Variants in STX18 observed in about 807,000 individuals in gnomAD.
The protein encoded by STX18 is syntaxin-18.
In STX18, 40 loss-of-function variants were observed where a neutral mutation model predicts 50.1. The ratio of observed to expected loss-of-function variants is 0.80; its 90% confidence interval spans 0.62 to 1.04. The LOEUF (loss-of-function observed/expected upper bound fraction) is 1.04, where lower values mean the gene tolerates loss of function less well. Ranked by LOEUF, STX18 falls within the 50% of genes least tolerant of loss-of-function variation. The pLI is 0.00. For synonymous variants in STX18, 158 were observed against 151.8 expected, an observed-to-expected ratio of 1.04 and a Z score of -0.30; for missense variants, 410 against 415.8, an observed-to-expected ratio of 0.99 and a Z score of 0.12.
chr4:4,525,375 T>C (rs1167455975), intron 1 of STX18, among the ~76,000 whole-genome samples: 4 of 152,194 alleles, frequency 2.6e-5, no homozygotes, highest in Non-Finnish European at 4.4e-5. Flanking sequence ...GGAGAACTGT[T>C]AATGATGAAA....
At chr4:4,510,076 C>G (rs1268676345) in intron 1 of STX18, among the ~76,000 whole-genome samples, 2 of 152,066 alleles carry the variant, frequency 1.3e-5, no homozygotes, top group South Asian at 2.1e-4. Flanking sequence ...TTCTGGACTA[C>G]AGAGAATATT....
At chr4:4,481,033 C>A (rs753059129) in intron 1 of STX18, among the ~76,000 whole-genome samples, 1 of 152,200 alleles carries the variant, frequency 6.6e-6, no homozygotes, top group East Asian at 1.9e-4. Flanking sequence ...CAGCTGCCAT[C>A]CCAGGCGGCA....
chr4:4,494,057 T>G (rs1030895061), intron 1 of STX18, among the ~76,000 whole-genome samples: 1 of 152,188 alleles, frequency 6.6e-6, no homozygotes, highest in African/African-American at 2.4e-5. Flanking sequence ...GGATTTTATC[T>G]CAAAGTCTTA....
At chr4:4,533,709 G>C (rs779704895) in intron 1 of STX18, among the ~76,000 whole-genome samples, 2 of 152,200 alleles carry the variant, frequency 1.3e-5, no homozygotes, top group Non-Finnish European at 2.9e-5. Context: ...GCCAGCCCCT[G>C]ATGGGAAGAA....
intron 2 of STX18, among the ~76,000 whole-genome samples, chr4:4,467,771 A>G (rs532066181): frequency 1.4e-4 from 21 of 152,124 alleles, no homozygotes; most frequent in South Asian, 1.2e-3. Flanking sequence ...GTAGCTAGGG[A>G]GGTAGATAGA....
intron 1 of STX18, among the ~76,000 whole-genome samples, chr4:4,503,037 G>A (rs753386461): frequency 3.9e-5 from 6 of 152,134 alleles, no homozygotes; most frequent in Non-Finnish European, 8.8e-5. Context: ...CAAGTCAAGG[G>A]CTCCCAATTT....
At chr4:4,513,242 G>A (rs1730088632) in intron 1 of STX18, among the ~76,000 whole-genome samples, 1 of 152,134 alleles carries the variant, frequency 6.6e-6, no homozygotes, top group Admixed American at 6.5e-5. Context: ...TGATAGAGGG[G>A]GGGACCCTCG....
chr4:4,523,647 A>G (rs533873079), intron 1 of STX18, among the ~76,000 whole-genome samples: 20 of 152,206 alleles, frequency 1.3e-4, no homozygotes, highest in Non-Finnish European at 2.2e-4. Context: ...CTAGCTCTAT[A>G]GTAACGAGCT....
intron 1 of STX18, among the ~76,000 whole-genome samples, chr4:4,483,922 C>T (rs1398060102): frequency 6.6e-6 from 1 of 151,994 alleles, no homozygotes; most frequent in Non-Finnish European, 1.5e-5. Flanking sequence ...AGTGCAGTGG[C>T]ATGATCTCAG....
At chr4:4,445,560 A>C (rs1726349943) in intron 5 of STX18, among the ~76,000 whole-genome samples, 1 of 152,196 alleles carries the variant, frequency 6.6e-6, no homozygotes, top group African/African-American at 2.4e-5. Flanking sequence ...CTGGAAAATA[A>C]CATTAACAAA....
chr4:4,480,233 A>G (rs1358305480), intron 1 of STX18, among the ~76,000 whole-genome samples: 1 of 152,330 alleles, frequency 6.6e-6, no homozygotes. Flanking sequence ...AATCAGATAA[A>G]ACATGTTATT....
At chr4:4,422,002 C>T (rs1724993041) in intron 9 of STX18, among the ~76,000 whole-genome samples, 1 of 152,062 alleles carries the variant, frequency 6.6e-6, no homozygotes, top group Non-Finnish European at 1.5e-5. Context: ...GGTGAAGCTG[C>T]TTCCTAACAG....
chr4:4,488,841 G>A (rs946689283), intron 1 of STX18, among the ~76,000 whole-genome samples: 4 of 152,202 alleles, frequency 2.6e-5, no homozygotes, highest in African/African-American at 9.6e-5. Flanking sequence ...AGTCAGCCTG[G>A]CTACCTCTAA....
chr4:4,436,546 T>C (rs1725785766), intron 6 of STX18, among the ~76,000 whole-genome samples: 1 of 152,202 alleles, frequency 6.6e-6, no homozygotes, highest in Non-Finnish European at 1.5e-5. Flanking sequence ...GAACCAAGCA[T>C]AAATTAACTC....
chr4:4,506,682 A>AG (rs1729722302), intron 1 of STX18, among the ~76,000 whole-genome samples: 2 of 152,226 alleles, frequency 1.3e-5, no homozygotes, highest in African/African-American at 4.8e-5. Flanking sequence ...AACTCTATAG[A>AG]TACTATGTTT....
intron 1 of STX18, among the ~76,000 whole-genome samples, chr4:4,512,508 T>C (rs769933103): frequency 6.6e-5 from 10 of 152,122 alleles, no homozygotes; most frequent in Admixed American, 2.0e-4. Context: ...GCAGGCACTA[T>C]TGTTGACAGA....
chr4:4,425,660 G>T (rs1046457834), intron 7 of STX18: 18 of 164,634 alleles, frequency 1.1e-4, no homozygotes, highest in Admixed American at 4.7e-4. Context: ...GGAGGGTCTG[G>T]AGAGGAAGGG....
chr4:4,421,807 C>G (rs977378132), intron 9 of STX18, among the ~76,000 whole-genome samples: 7 of 152,180 alleles, frequency 4.6e-5, no homozygotes, highest in African/African-American at 1.4e-4. Context: ...TCTTAAAAAA[C>G]AGGCTAAAAT....
chr4:4,433,386 CG>C (rs1295468798), intron 7 of STX18, among the ~76,000 whole-genome samples: 1 of 152,120 alleles, frequency 6.6e-6, no homozygotes, highest in East Asian at 1.9e-4. Flanking sequence ...AATTCCCCTG[CG>C]GAAGGCCGCA....
Sources: gnomAD v4.1 joint callset for allele counts (sites outside exome capture counted in the v4.1 genomes callset) on GRCh38, gnomAD v4.1.1 for gene constraint, MANE v1.5 for transcripts, NCBI Gene and HGNC (gene_info 2026-07-23, HGNC 2026-07-21) for gene names.